Variants in MCFD2 observed in about 807,000 individuals in gnomAD.
MCFD2 encodes the protein multiple coagulation factor deficiency 2, ER cargo receptor complex subunit.
In MCFD2, 11 loss-of-function variants were observed where a neutral mutation model predicts 12.8. That is an observed-to-expected ratio of 0.86 (90% confidence interval 0.54 to 1.42). The LOEUF (loss-of-function observed/expected upper bound fraction) is 1.42. Ranked by LOEUF, MCFD2 falls within the 40% of genes most tolerant of loss-of-function variation. MCFD2 has a pLI of 0.00. For missense variants in MCFD2, 191 were observed against 178.6 expected, an observed-to-expected ratio of 1.07 and a Z score of -0.40; for synonymous variants, 70 against 68.1, an observed-to-expected ratio of 1.03 and a Z score of -0.14.
At chr2:46,916,780 G>A (rs537983294), upstream of MCFD2, among the ~76,000 whole-genome samples, 3 of 152,216 alleles carry the variant, frequency 2.0e-5, no homozygotes, top group South Asian at 6.2e-4. Context: ...GATTACAGGC[G>A]CGTGCCACCT....
Position 46,907,884 on chromosome 2 carries a change from T to A in MCFD2, c.235A>T (p.Met79Leu), listed in dbSNP as rs751887064. 6.2e-7 allele frequency: 1 copy of A among 1,614,210 alleles called. No homozygotes were observed. The highest frequency in any genetic ancestry group is 1.1e-5 in the South Asian group (1 of 91,082). Residue 79 changes from methionine (M) to leucine (L), a missense_variant, in exon 3 of 4, where the codon ATG becomes TTG. By Grantham distance (15) the Met-to-Leu change is conservative. Transcript: ENST00000319466. This position sits in a 1 kb window ranked among gnomAD's most constrained non-coding sequence, Gnocchi z 4.1. Reference protein sequence around the residue: ...PQELQLHYFKMHDYDGNNLLD... With the variant: ...PQELQLHYFKLHDYDGNNLLD... ...AAATTATTGCCATCATAATCATGCA[T>A]TTTGAAGTAATGGAGCTGCAATTCT...
intron 1 of MCFD2, among the ~76,000 whole-genome samples, chr2:46,930,540 C>T (rs1669639818): frequency 6.7e-6 from 1 of 149,890 alleles, no homozygotes; most frequent in Non-Finnish European, 1.5e-5. Context: ...ACTCTTGTAC[C>T]CCAGGCTGGA....
intron 1 of MCFD2, among the ~76,000 whole-genome samples, chr2:46,934,985 G>C (rs573917932): frequency 6.6e-6 from 1 of 151,790 alleles, no homozygotes; most frequent in South Asian, 2.1e-4. Flanking sequence ...ATTTTTAGTA[G>C]AGACAGGGTT....
chr2:46,919,517 G>C (rs1414535944), upstream of MCFD2, among the ~76,000 whole-genome samples: 1 of 152,244 alleles, frequency 6.6e-6, no homozygotes, highest in East Asian at 1.9e-4. Flanking sequence ...TGGGCAGCAA[G>C]AGCTAAACTC....
At chr2:46,923,332 G>T (rs992103605) in intron 1 of MCFD2, among the ~76,000 whole-genome samples, 1 of 151,690 alleles carries the variant, frequency 6.6e-6, no homozygotes, top group South Asian at 2.1e-4. Flanking sequence ...TCACACCTTG[G>T]TCTTTCCAGT....
chr2:46,929,524 A>G (rs1432104826), intron 1 of MCFD2, among the ~76,000 whole-genome samples: 1 of 152,212 alleles, frequency 6.6e-6, no homozygotes, highest in East Asian at 1.9e-4. Context: ...GCTCTTCTAA[A>G]TAACATGTAG....
At position 46,908,812 on chromosome 2, in the gene MCFD2, T is replaced by C. The variant is rs905861902; in HGVS notation, c.149+211A>G. ...GGATTCAGACAAGTAATGTGCCCCA[T>C]TTGGGCCTAAAGATCTTCCACCTGT... On this transcript the variant is annotated intron_variant, in intron 2 of 3. Coordinates refer to ENST00000319466, the MANE Select transcript of MCFD2 (RefSeq NM_139279.6). This position sits in a 1 kb window ranked among gnomAD's most constrained non-coding sequence, Gnocchi z 4.5. 4 of 634,182 alleles carry C rather than the reference T, an allele frequency of 6.3e-6. No individual in the cohort carries two copies. Among genetic ancestry groups the C allele is most frequent in the African/African-American group, 5.5e-5 (3 of 54,770 alleles). The allele number at this position is 634,182 out of a possible 1,614,324, so 39.3% of individuals were successfully genotyped here.
chr2:46,918,516 T>A (rs1352652774), upstream of MCFD2, among the ~76,000 whole-genome samples: 1 of 152,216 alleles, frequency 6.6e-6, no homozygotes, highest in Non-Finnish European at 1.5e-5. Flanking sequence ...GTTCTGTAAC[T>A]TGTAGCTGAA....
At position 46,902,744 on chromosome 2, in the gene MCFD2, A is replaced by G. The variant is rs1195176497; in HGVS notation, c.*2719T>C. ...CTTTGAAATAGCCTAATAAATATCCACTTGCCCAGAGCAAGTAATCATTTA... is the reference window on the plus strand; with the variant it reads ...CTTTGAAATAGCCTAATAAATATCCGCTTGCCCAGAGCAAGTAATCATTTA... On this transcript the variant is annotated 3_prime_UTR_variant, in exon 4 of 4. Transcript: ENST00000319466. 1 of 152,184 alleles carries G rather than the reference A, an allele frequency of 6.6e-6. No homozygotes were observed. Among genetic ancestry groups the G allele is most frequent in the Non-Finnish European group, 1.5e-5 (1 of 68,030 alleles). The allele number at this position is 152,184 out of a possible 1,614,324, so 9.4% of individuals were successfully genotyped here.
chr2:46,941,499 T>G lies in MCFD2; in HGVS notation c.-8+73A>C. On this transcript the variant is annotated intron_variant, in intron 1 of 2. Transcript: ENST00000409147. The surrounding 1 kb of genome is among the most constrained non-coding windows in gnomAD (Gnocchi z 4.2). The stretch of plus-strand genomic sequence containing the variant: ...CCAGGACGCCGCCCCCGGCCGGGTC[T>G]CCACTTCTTGGCCGCACCTTCCATG... 1 of 1,539,972 alleles carries G rather than the reference T, an allele frequency of 6.5e-7. No homozygotes were observed. The highest frequency in any genetic ancestry group is 8.8e-7 in the Non-Finnish European group (1 of 1,142,484).
chr2:46,920,661 A>T (rs1425292291), upstream of MCFD2, among the ~76,000 whole-genome samples: 1 of 151,920 alleles, frequency 6.6e-6, no homozygotes, highest in Non-Finnish European at 1.5e-5. Context: ...AAAAAAAAAA[A>T]AATAGATAAA....
At chr2:46,916,242 T>G (rs1046690551), upstream of MCFD2, 1 of 887,062 alleles carries the variant, frequency 1.1e-6, no homozygotes, top group African/African-American at 1.8e-5. Flanking sequence ...TAATTCCTTC[T>G]TGATGAAACG....
upstream of MCFD2, among the ~76,000 whole-genome samples, chr2:46,919,071 T>G (rs1197681840): frequency 6.6e-6 from 1 of 152,214 alleles, no homozygotes; most frequent in African/African-American, 2.4e-5. Flanking sequence ...TCAGCTGTTT[T>G]GAATTGTCTC....
In MCFD2 at chr2:46,908,524, A is replaced by G. The variant is rs867592948; in HGVS notation, c.149+499T>C. 6.5e-4 allele frequency: 170 copies of G among 261,232 alleles called. No individual in the cohort carries two copies. Among genetic ancestry groups the G allele is most frequent in the African/African-American group, 3.5e-3 (152 of 43,780 alleles). 16.2% of individuals were successfully genotyped at this position (261,232 alleles called of 1,614,324 possible). A position where few individuals can be genotyped will look rare whatever the true frequency, so the allele number is the denominator to read the frequency against. On this transcript the variant is annotated intron_variant, in intron 2 of 3. Transcript: ENST00000319466. This position sits in a 1 kb window ranked among gnomAD's most constrained non-coding sequence, Gnocchi z 4.5. ...AGTAATCCACCTGCCTCAGCCTCCC[A>G]AAGCACTGGGATTACAGGTGTGAGC...
upstream of MCFD2, among the ~76,000 whole-genome samples, chr2:46,919,940 T>C (rs895210773): frequency 1.3e-5 from 2 of 152,224 alleles, no homozygotes; most frequent in African/African-American, 4.8e-5. Context: ...TGTATTTCTC[T>C]CTCCCTTATT....
At chr2:46,915,213 T>C (rs541412466) in intron 1 of MCFD2, among the ~76,000 whole-genome samples, 3 of 152,190 alleles carry the variant, frequency 2.0e-5, no homozygotes, top group Admixed American at 2.0e-4. Context: ...TGCAAGGGAT[T>C]CGATGTGGGT....
upstream of MCFD2, among the ~76,000 whole-genome samples, chr2:46,917,688 T>G (rs1668885249): frequency 6.6e-6 from 1 of 152,214 alleles, no homozygotes; most frequent in Non-Finnish European, 1.5e-5. Flanking sequence ...CCCATCAACA[T>G]ATAAACTTGC....
chr2:46,925,322 C>G (rs1415468421), intron 1 of MCFD2, among the ~76,000 whole-genome samples: 1 of 152,118 alleles, frequency 6.6e-6, no homozygotes, highest in Non-Finnish European at 1.5e-5. Flanking sequence ...CTTTGGGAGG[C>G]TAAGGTGGGC....
chr2:46,940,382 T>G lies in MCFD2; in HGVS notation c.-8+1190A>C, dbSNP rs1416222577. Among the ~76,000 whole-genome samples the G allele has an allele frequency of 6.6e-6, 1 of 152,130 alleles. No homozygotes were observed. The highest frequency in any genetic ancestry group is 2.4e-5 in the African/African-American group (1 of 41,416). ...CTGTGGCTTCTCCAGCACTGGTCTGTGAGCTGCGGCGGCAGCGGGGCCGGG... is the reference window on the plus strand; with the variant it reads ...CTGTGGCTTCTCCAGCACTGGTCTGGGAGCTGCGGCGGCAGCGGGGCCGGG... On this transcript the variant is annotated intron_variant, in intron 1 of 2. Transcript: ENST00000409147. This position sits in a 1 kb window ranked among gnomAD's most constrained non-coding sequence, Gnocchi z 4.7.
Sources: gnomAD v4.1 joint callset for allele counts (sites outside exome capture counted in the v4.1 genomes callset) on GRCh38, gnomAD v4.1.1 for gene constraint, Gnocchi (gnomAD v3.1) non-coding constraint, MANE v1.5 for transcripts, NCBI Gene and HGNC (gene_info 2026-07-23, HGNC 2026-07-21) for gene names.